IRAK1BP1: variants seen among roughly 807,000 people sequenced by gnomAD.
The protein encoded by IRAK1BP1 is interleukin-1 receptor-associated kinase 1-binding protein 1.
Under a neutral mutation model 28.0 loss-of-function variants are expected in IRAK1BP1, and 24 were observed. That is an observed-to-expected ratio of 0.86 (90% CI 0.62 to 1.20). IRAK1BP1 has a LOEUF of 1.20. Ranked by LOEUF, IRAK1BP1 falls within the 50% of genes most tolerant of loss-of-function variation. IRAK1BP1 has a pLI of 0.00. For missense variants in IRAK1BP1, 336 were observed against 316.7 expected, an observed-to-expected ratio of 1.06 and a Z score of -0.46; for synonymous variants, 131 against 116.3, an observed-to-expected ratio of 1.13 and a Z score of -0.81.
At chr6:78,955,198 T>C in the IRAK1BP1 span, 1 of 1,451,552 alleles carries the variant, frequency 6.9e-7, no homozygotes, top group South Asian at 1.2e-5. Flanking sequence ...TTAATTCATA[T>C]AAAGTACTTC....
In IRAK1BP1 at chr6:78,898,329, C is replaced by A. The variant is rs746013692; in HGVS notation, c.778C>A (p.Leu260Ile). The change falls in exon 4 of 4, where the codon CTT (leucine) becomes ATT (isoleucine). Residue 260 changes from leucine to isoleucine, a missense_variant. By Grantham distance (5) the Leu-to-Ile change is conservative. Coordinates refer to ENST00000369940, the MANE Select transcript of IRAK1BP1 (RefSeq NM_001010844.4). The part of the protein sequence containing the change: ...VKGKEKRKKH[L>I] ...GGGAAAAGAGAAGAGAAAAAAGCAC[C>A]TTTGAAATTCCAAACAAATTATATT... The A allele has an allele frequency of 6.6e-6, 10 of 1,507,494 alleles. No homozygotes were observed. The Middle Eastern group carries it at 5.4e-4, about 81-fold the overall frequency. The allele number at this position is 1,507,494 out of a possible 1,614,324, so 93.4% of individuals were successfully genotyped here.
chr6:78,949,154 G>A (rs150194455), downstream of IRAK1BP1, among the ~76,000 whole-genome samples: 611 of 152,162 alleles, frequency 4.0e-3, 3 homozygotes, highest in Admixed American at 6.7e-3. Flanking sequence ...ATCAAGTTGT[G>A]GAAGTTTTCC....
At chr6:78,951,535 G>C in the IRAK1BP1 span, among the ~76,000 whole-genome samples, 1 of 152,084 alleles carries the variant, frequency 6.6e-6, no homozygotes, top group South Asian at 2.1e-4. Context: ...TAGATTATCC[G>C]AAGTTTTCTT....
intron 2 of IRAK1BP1, among the ~76,000 whole-genome samples, chr6:78,896,749 C>T (rs2127653805): frequency 6.6e-6 from 1 of 151,414 alleles, no homozygotes; most frequent in African/African-American, 2.4e-5. Flanking sequence ...CATCTGAACC[C>T]AGGGGTTGAG....
At chr6:78,971,653 G>A in the IRAK1BP1 span, among the ~76,000 whole-genome samples, 10 of 152,214 alleles carry the variant, frequency 6.6e-5, no homozygotes, top group East Asian at 7.8e-4. Flanking sequence ...GACAGTGGGC[G>A]CAGGTCAGTG....
chr6:78,897,460 G>A (rs910762669), intron 2 of IRAK1BP1, among the ~76,000 whole-genome samples: 5 of 151,978 alleles, frequency 3.3e-5, no homozygotes, highest in African/African-American at 4.8e-5. Flanking sequence ...AGTGAAGTAT[G>A]GCATGATTAC....
chr6:78,916,466 G>A (rs1349099419), intron 4 of IRAK1BP1, among the ~76,000 whole-genome samples: 1 of 151,852 alleles, frequency 6.6e-6, no homozygotes, highest in African/African-American at 2.4e-5. Context: ...GTGGGGGGAG[G>A]GAAGTTACTT....
chr6:78,914,141 T>C (rs1018800004), intron 4 of IRAK1BP1, among the ~76,000 whole-genome samples: 1 of 152,144 alleles, frequency 6.6e-6, no homozygotes, highest in Admixed American at 6.5e-5. Context: ...AATAAATTAA[T>C]TAACTCACTA....
chr6:78,907,624 GTGT>G (rs775590478), downstream of IRAK1BP1, among the ~76,000 whole-genome samples: 12 of 152,142 alleles, frequency 7.9e-5, no homozygotes, highest in Non-Finnish European at 1.6e-4. Flanking sequence ...TTTTGTCTGT[GTGT>G]TGTTGAATAC....
chr6:78,896,308 C>A (rs1400244594), intron 2 of IRAK1BP1, among the ~76,000 whole-genome samples: 2 of 149,592 alleles, frequency 1.3e-5, no homozygotes, highest in African/African-American at 4.9e-5. Context: ...TATAATAGCC[C>A]CAAACTGGAA....
At chr6:78,869,696 A>G (rs1322949182) in intron 1 of IRAK1BP1, among the ~76,000 whole-genome samples, 1 of 152,190 alleles carries the variant, frequency 6.6e-6, no homozygotes, top group Non-Finnish European at 1.5e-5. Context: ...TTCAGAATGA[A>G]TTATGGGTCT....
rs190091539 is a variant in IRAK1BP1 at position 78,878,931 on chromosome 6, T to C, written c.316-6447T>C. Among the ~76,000 whole-genome samples the C allele has an allele frequency of 6.4e-4, 98 of 152,078 alleles. 1 individual carries two copies. In the South Asian group the frequency reaches 8.1e-3, roughly 13 times the overall value. On this transcript the variant is annotated intron_variant, in intron 1 of 3. Coordinates refer to ENST00000369940, the MANE Select transcript of IRAK1BP1 (RefSeq NM_001010844.4). ...GGAAGATCAAATGAATGAAATGAAG[T>C]GAGAAGTTTACAGAAAAAAGAGTAA...
At chr6:78,961,718 T>C in the IRAK1BP1 span, 10 of 1,612,608 alleles carry the variant, frequency 6.2e-6, no homozygotes, top group Non-Finnish European at 8.5e-6. Flanking sequence ...AGTCTTTGTT[T>C]AATTGTACTT....
chr6:78,908,761 T>A (rs552151940), intron 4 of IRAK1BP1, among the ~76,000 whole-genome samples: 212 of 152,348 alleles, frequency 1.4e-3, no homozygotes, highest in African/African-American at 4.8e-3. Flanking sequence ...GTGCAATATT[T>A]TTTTAAGCCA....
intron 2 of IRAK1BP1, among the ~76,000 whole-genome samples, chr6:78,890,468 C>CA (rs1771608114): frequency 6.6e-6 from 1 of 150,392 alleles, no homozygotes; most frequent in African/African-American, 2.4e-5. Context: ...ATAAAATAAT[C>CA]AAAAAAATTT....
intron 2 of IRAK1BP1, among the ~76,000 whole-genome samples, chr6:78,897,256 TAAAAA>T (rs749859007): frequency 9.0e-6 from 1 of 111,002 alleles, no homozygotes. Flanking sequence ...TTGTCTCTCT[TAAAAA>T]AAAAAAAAAA....
intron 2 of IRAK1BP1, among the ~76,000 whole-genome samples, chr6:78,893,226 A>G (rs1411758643): frequency 6.6e-6 from 1 of 150,808 alleles, no homozygotes; most frequent in Non-Finnish European, 1.5e-5. Context: ...GTTGAAAGCA[A>G]TGCAAGCAAG....
At chr6:78,867,939 G>T in intron 1 of IRAK1BP1, 48 bp downstream of exon 1, 1 of 1,486,262 alleles carries the variant, frequency 6.7e-7, no homozygotes, top group Non-Finnish European at 9.0e-7. Flanking sequence ...ACACAAAAGG[G>T]TTGGCAGATG....
Position 78,914,218 on chromosome 6 carries a change from GTT to G in IRAK1BP1, c.*67+11110_*67+11111del, listed in dbSNP as rs548609290. ...AATCTTAAAACTGGAGAAAAAGAGTGTTTGTTAACTTGCCTTTCAACTGACAA... is the reference window on the plus strand; with the variant it reads ...AATCTTAAAACTGGAGAAAAAGAGTGTGTTAACTTGCCTTTCAACTGACAA... On this transcript the variant is annotated intron_variant and NMD_transcript_variant, in intron 4 of 4. Coordinates refer to the IRAK1BP1 transcript ENST00000606868. 3.1e-3 allele frequency among the ~76,000 whole-genome samples: 475 copies of G among 152,250 alleles called. 3 individuals carry two copies. Among genetic ancestry groups the G allele is most frequent in the African/African-American group, 0.011 (441 of 41,552 alleles).
Sources: allele counts gnomAD v4.1 joint callset (sites outside exome capture counted in the v4.1 genomes callset), GRCh38; gene constraint gnomAD v4.1.1; transcripts MANE v1.5; gene names NCBI Gene and HGNC (gene_info 2026-07-23, HGNC 2026-07-21).